The following CACNB2 variants were observed in gnomAD, a reference collection of about 807,000 sequenced individuals.
CACNB2 encodes voltage-dependent L-type calcium channel subunit beta-2.
CACNB2 carries 42 observed loss-of-function variants against 73.3 expected under a neutral mutation model. The ratio of observed to expected loss-of-function variants is 0.57; its 90% CI spans 0.45 to 0.74. The LOEUF is 0.74. Ranked by LOEUF, CACNB2 falls within the 30% of genes least tolerant of loss-of-function variation. The pLI is 0.00. For missense variants in CACNB2, 940 were observed against 853.0 expected, an observed-to-expected ratio of 1.10 and a Z score of -1.27; for synonymous variants, 348 against 310.3, an observed-to-expected ratio of 1.12 and a Z score of -1.28.
At chr10:18,482,545 C>G (rs1817430131) in intron 3 of CACNB2, among the ~76,000 whole-genome samples, 2 of 152,100 alleles carry the variant, frequency 1.3e-5, no homozygotes, top group South Asian at 4.1e-4. Flanking sequence ...CAGTCTCGCT[C>G]TGTCGCCTAG....
rs183925315 is a variant in CACNB2 at position 18,336,282 on chromosome 10, A to G, written c.214-65642A>G. On this transcript the variant is annotated intron_variant, in intron 2 of 13. Transcript: ENST00000324631. Reference sequence around the variant, plus strand: ...AGAACCCTGAGCTATGAATTGTTCAATTAGATACAAGAACTGGTTAATACT... The same window carrying G: ...AGAACCCTGAGCTATGAATTGTTCAGTTAGATACAAGAACTGGTTAATACT... 2.6e-5 allele frequency among the ~76,000 whole-genome samples: 4 copies of G among 152,338 alleles called. No homozygotes were observed. In the East Asian group the frequency reaches 5.8e-4, roughly 22 times the overall value.
chr10:18,463,737 G>C (rs1690093297), intron 3 of CACNB2, among the ~76,000 whole-genome samples: 1 of 151,944 alleles, frequency 6.6e-6, no homozygotes. Context: ...GGCCCCAAGA[G>C]TTCCTATCCT....
At chr10:18,162,355 C>T (rs1564306652) in intron 2 of CACNB2, among the ~76,000 whole-genome samples, 2 of 152,064 alleles carry the variant, frequency 1.3e-5, no homozygotes, top group Non-Finnish European at 2.9e-5. Flanking sequence ...AGCCAGAATG[C>T]CCTGCTGTGG....
intron 2 of CACNB2, among the ~76,000 whole-genome samples, chr10:18,164,638 A>G (rs951617021): frequency 6.6e-6 from 1 of 151,886 alleles, no homozygotes; most frequent in Non-Finnish European, 1.5e-5. Context: ...CTATAAGGCA[A>G]ACGAGATAAA....
At chr10:18,217,438 C>T (rs753081446) in intron 2 of CACNB2, among the ~76,000 whole-genome samples, 4 of 151,868 alleles carry the variant, frequency 2.6e-5, no homozygotes, top group African/African-American at 7.3e-5. Flanking sequence ...GAGCCAAGAT[C>T]GTGCCGCTGT....
chr10:18,380,751 C>T (rs1020013286), intron 2 of CACNB2, among the ~76,000 whole-genome samples: 6 of 151,642 alleles, frequency 4.0e-5, no homozygotes, highest in East Asian at 1.9e-4. Flanking sequence ...CACCACGCCC[C>T]GCCAAAACAT....
chr10:18,352,721 G>A (rs890923957), intron 2 of CACNB2, among the ~76,000 whole-genome samples: 6 of 152,164 alleles, frequency 3.9e-5, no homozygotes, highest in Non-Finnish European at 5.9e-5. Context: ...AACATGCTTC[G>A]TAGCATTTCA....
intron 2 of CACNB2, chr10:18,400,640 G>GTTT (rs34680296): frequency 3.0e-4 from 277 of 935,088 alleles, no homozygotes; most frequent in African/African-American, 2.4e-3. Flanking sequence ...TTTTGCACTA[G>GTTT]TTTTTTTTTT....
At chr10:18,525,029 TAAA>T (rs35445837) in intron 9 of CACNB2, among the ~76,000 whole-genome samples, 2 of 108,278 alleles carry the variant, frequency 1.8e-5, no homozygotes, top group Non-Finnish European at 3.7e-5. Flanking sequence ...AGATGCTGTC[TAAA>T]AAAAAAAAAA....
chr10:18,444,106 G>A (rs1051432968), intron 3 of CACNB2, among the ~76,000 whole-genome samples: 6 of 152,048 alleles, frequency 3.9e-5, no homozygotes, highest in Admixed American at 2.6e-4. Context: ...CTAAATGTTC[G>A]TGTCCCCAGA....
At chr10:18,177,895 A>G (rs980316747) in intron 2 of CACNB2, among the ~76,000 whole-genome samples, 3 of 152,246 alleles carry the variant, frequency 2.0e-5, no homozygotes, top group Non-Finnish European at 4.4e-5. Context: ...TCCATTTGGC[A>G]TAGTGAGTTT....
chr10:18,353,678 G>A (rs1195940133), intron 2 of CACNB2, among the ~76,000 whole-genome samples: 1 of 152,194 alleles, frequency 6.6e-6, no homozygotes, highest in East Asian at 1.9e-4. Flanking sequence ...CAGGGGTTAT[G>A]AACTATTAGC....
At chr10:18,414,363 T>C (rs1394438202) in intron 3 of CACNB2, among the ~76,000 whole-genome samples, 2 of 152,196 alleles carry the variant, frequency 1.3e-5, no homozygotes, top group Non-Finnish European at 2.9e-5. Flanking sequence ...TGCTCTCTGT[T>C]TATTTATGGT....
chr10:18,414,783 T>TA (rs373762036), intron 3 of CACNB2, among the ~76,000 whole-genome samples: 1 of 151,974 alleles, frequency 6.6e-6, no homozygotes, highest in Non-Finnish European at 1.5e-5. Context: ...TTTTTTTTTT[T>TA]ATCTTAGAGC....
chr10:18,361,183 C>T (rs1236164662), intron 2 of CACNB2, among the ~76,000 whole-genome samples: 1 of 151,946 alleles, frequency 6.6e-6, no homozygotes, highest in Non-Finnish European at 1.5e-5. Context: ...CCGGGCTCAT[C>T]CATTACCTTT....
At chr10:18,181,224 G>A (rs16916928) in intron 2 of CACNB2, among the ~76,000 whole-genome samples, 41,491 of 151,922 alleles carry the variant, frequency 0.27, 5,657 homozygotes, top group Middle Eastern at 0.3. Flanking sequence ...ACCTTACCTA[G>A]ATCCCTACTT....
chr10:18,334,250 G>C (rs2040915688), intron 2 of CACNB2, among the ~76,000 whole-genome samples: 1 of 152,072 alleles, frequency 6.6e-6, no homozygotes, highest in Non-Finnish European at 1.5e-5. Context: ...ATACGAGCTG[G>C]GACTGCAGAA....
intron 2 of CACNB2, among the ~76,000 whole-genome samples, chr10:18,264,284 TATCC>T (rs2037689926): frequency 1.3e-5 from 2 of 152,196 alleles, no homozygotes; most frequent in Non-Finnish European, 2.9e-5. Flanking sequence ...GAAAATTGGG[TATCC>T]ATCCCATCAA....
chr10:18,190,447 T>C (rs2034346126), intron 2 of CACNB2, among the ~76,000 whole-genome samples: 1 of 152,172 alleles, frequency 6.6e-6, no homozygotes, highest in Admixed American at 6.5e-5. Context: ...TTGGAGGGAA[T>C]GGTCATGGGA....
Sources: gnomAD v4.1 joint callset for allele counts (sites outside exome capture counted in the v4.1 genomes callset) on GRCh38, gnomAD v4.1.1 for gene constraint, MANE v1.5 for transcripts, NCBI Gene and HGNC (gene_info 2026-07-23, HGNC 2026-07-21) for gene names.